The following DEPTOR variants were observed in gnomAD, a reference collection of about 807,000 sequenced individuals.
DEPTOR encodes the protein DEP domain-containing mTOR-interacting protein.
DEPTOR carries 41 observed loss-of-function variants against 41.6 expected under a neutral mutation model. The ratio of observed to expected loss-of-function variants is 0.98; its 90% CI spans 0.77 to 1.28. The LOEUF is 1.28. Among genes scored for constraint, DEPTOR ranks in the 50% most tolerant of loss-of-function variants. The pLI is 0.00. For missense variants in DEPTOR, 514 were observed against 527.9 expected (o/e 0.97, Z 0.26); for synonymous variants, 195 against 192.3 (o/e 1.01, Z -0.12).
chr8:120,046,852 C>T (rs912954724), intron 8 of DEPTOR, among the ~76,000 whole-genome samples: 4 of 152,174 alleles, frequency 2.6e-5, no homozygotes, highest in Non-Finnish European at 5.9e-5. Context: ...CACAAACTCA[C>T]ATGCCTGTCA....
intron 1 of DEPTOR, among the ~76,000 whole-genome samples, chr8:119,911,113 T>C (rs915169927): frequency 1.3e-5 from 2 of 152,122 alleles, no homozygotes; most frequent in Non-Finnish European, 2.9e-5. Flanking sequence ...GTTGGCTGTT[T>C]ATCTTTGGGA....
Position 120,038,625 on chromosome 8 carries a change from T to C in DEPTOR, c.1102-10951T>C, listed in dbSNP as rs60368674. 8.8e-5 allele frequency among the ~76,000 whole-genome samples: 13 copies of C among 147,926 alleles called. No homozygotes were observed. In the East Asian group the frequency reaches 2.6e-3, roughly 30 times the overall value. On this transcript the variant is annotated intron_variant, in intron 8 of 8. Transcript: ENST00000286234. ...AAAAAAAAAAGAAAAAAGAAATAAA[T>C]AAACAAATAATAAATAAGAAGAAAA...
At chr8:120,035,011 C>T (rs1812958901) in intron 8 of DEPTOR, among the ~76,000 whole-genome samples, 1 of 124,398 alleles carries the variant, frequency 8.0e-6, no homozygotes, top group Non-Finnish European at 1.7e-5. Flanking sequence ...GGGAGTGATA[C>T]ATGTGTTAAG....
intron 1 of DEPTOR, among the ~76,000 whole-genome samples, chr8:119,916,277 T>G (rs1053054481): frequency 0.011 from 1,548 of 144,564 alleles, 54 homozygotes; most frequent in East Asian, 0.019. Context: ...TTTTTTTTTT[T>G]TTTTTTTTTT....
intron 8 of DEPTOR, among the ~76,000 whole-genome samples, chr8:120,010,467 T>C (rs985440916): frequency 2.0e-5 from 3 of 151,630 alleles, no homozygotes; most frequent in Non-Finnish European, 4.4e-5. Flanking sequence ...ATACAAAAAA[T>C]TAGCCAGGCG....
intron 4 of DEPTOR, among the ~76,000 whole-genome samples, chr8:119,997,507 A>G (rs1812284720): frequency 6.6e-6 from 1 of 152,184 alleles, no homozygotes. Flanking sequence ...ATGTGCTGGC[A>G]TTACAGGTGT....
In DEPTOR at chr8:120,044,168, A is replaced by AT. The variant is rs200639392; in HGVS notation, c.1102-5405dup. 1.0e-2 allele frequency among the ~76,000 whole-genome samples: 1,502 copies of AT among 150,930 alleles called. 13 individuals are homozygous for AT. The highest frequency in any genetic ancestry group is 0.031 in the Middle Eastern group (9 of 292). On this transcript the variant is annotated intron_variant, in intron 8 of 8. Coordinates refer to ENST00000286234, the MANE Select transcript of DEPTOR (RefSeq NM_022783.4). The stretch of plus-strand genomic sequence containing the variant: ...CCAAGCTTTTTATTTTTATTTATTT[A>AT]TTTATTTTTTTGAGATGGGGGTTTT...
chr8:119,899,999 G>A (rs1163335972), intron 1 of DEPTOR, among the ~76,000 whole-genome samples: 2 of 152,060 alleles, frequency 1.3e-5, no homozygotes, highest in African/African-American at 4.8e-5. Context: ...TACCAGGAAT[G>A]GGTAAATATA....
intron 8 of DEPTOR, among the ~76,000 whole-genome samples, chr8:120,023,602 A>C (rs1242956082): frequency 6.6e-6 from 1 of 152,140 alleles, no homozygotes; most frequent in African/African-American, 2.4e-5. Flanking sequence ...ATCTGCTGGG[A>C]TGTTACCTAG....
At chr8:119,949,066 A>C (rs1828319262) in intron 3 of DEPTOR, among the ~76,000 whole-genome samples, 1 of 152,248 alleles carries the variant, frequency 6.6e-6, no homozygotes, top group Admixed American at 6.5e-5. Context: ...GATTACAGGC[A>C]TGAGCCACCA....
At position 120,006,860 on chromosome 8, in the gene DEPTOR, A is replaced by G; in HGVS notation, c.981A>G (p.Ala327=). The change falls in exon 7 of 9, where the codon GCA becomes GCG. Residue 327 remains alanine (A), a synonymous_variant. Coordinates refer to ENST00000286234, the MANE Select transcript of DEPTOR (RefSeq NM_022783.4). ...TCCTTACTCCCGGGGCTCCGTATGC[A>G]AGGAAGACATTCACGGTAGGCTGAT... ...EELLTPGAPY[A]RKTFTIVGDA... is the part of the protein sequence containing the mutation. The G allele has an allele frequency of 6.2e-7, 1 of 1,614,168 alleles. No homozygotes were observed. The highest frequency in any genetic ancestry group is 8.5e-7 in the Non-Finnish European group (1 of 1,180,036).
At chr8:119,894,767 G>A (rs1232272875) in intron 1 of DEPTOR, among the ~76,000 whole-genome samples, 1 of 152,150 alleles carries the variant, frequency 6.6e-6, no homozygotes, top group Non-Finnish European at 1.5e-5. Flanking sequence ...TAGTTAATAT[G>A]CCTGGAGAAT....
intron 4 of DEPTOR, among the ~76,000 whole-genome samples, chr8:119,967,991 C>T (rs1447831696): frequency 2.0e-5 from 3 of 152,090 alleles, no homozygotes; most frequent in Non-Finnish European, 2.9e-5. Flanking sequence ...CAGTTGGACT[C>T]ACAGCTGTCT....
intron 8 of DEPTOR, among the ~76,000 whole-genome samples, chr8:120,010,617 C>A (rs202007978): frequency 9.6e-5 from 12 of 124,748 alleles, no homozygotes; most frequent in Non-Finnish European, 1.4e-4. Flanking sequence ...GACTCTGTCT[C>A]AAAAAAAAAA....
intron 1 of DEPTOR, among the ~76,000 whole-genome samples, chr8:119,887,131 CCCCCCCT>C (rs1827376092): frequency 1.7e-4 from 2 of 11,456 alleles, no homozygotes; most frequent in African/African-American, 3.5e-4. Flanking sequence ...CTCCCCTCCC[CCCCCCCT>C]CCCCTCCTCC....
chr8:119,924,649 C>T (rs1461837755), intron 1 of DEPTOR, among the ~76,000 whole-genome samples: 2 of 152,112 alleles, frequency 1.3e-5, no homozygotes, highest in South Asian at 2.1e-4. Flanking sequence ...TCTACCCTAT[C>T]GGTAAAACAG....
chr8:119,882,134 A>G (rs969096416), intron 1 of DEPTOR, among the ~76,000 whole-genome samples: 1 of 151,892 alleles, frequency 6.6e-6, no homozygotes, highest in Admixed American at 6.6e-5. Context: ...CAGGTTTTCT[A>G]CCCGCCTTGG....
chr8:119,928,592 C>T lies in DEPTOR; in HGVS notation c.301+14C>T, dbSNP rs772718586. ...TTATTCACCATGGTGAGTGCGGTGG[C>T]GAGTCAAGGTGACTTGAGAGAAATG... On this transcript the variant is annotated intron_variant, in intron 2 of 8. Coordinates refer to ENST00000286234, the MANE Select transcript of DEPTOR (RefSeq NM_022783.4). The T allele has an allele frequency of 8.7e-6, 14 of 1,609,194 alleles. No homozygotes were observed. The highest frequency in any genetic ancestry group is 4.5e-5 in the East Asian group (2 of 44,834).
At chr8:119,985,347 A>G (rs1481610299) in intron 4 of DEPTOR, among the ~76,000 whole-genome samples, 2 of 152,056 alleles carry the variant, frequency 1.3e-5, no homozygotes, top group Non-Finnish European at 2.9e-5. Context: ...GGCTGCATAA[A>G]TGTCTTCTTT....
Sources: gnomAD v4.1 joint callset for allele counts (sites outside exome capture counted in the v4.1 genomes callset) on GRCh38, gnomAD v4.1.1 for gene constraint, MANE v1.5 for transcripts, NCBI Gene and HGNC (gene_info 2026-07-23, HGNC 2026-07-21) for gene names.